The following CYRIA variants were observed in gnomAD, a reference collection of about 807,000 sequenced individuals.
CYRIA encodes the protein CYFIP-related Rac1 interactor A.
CYRIA carries 15 observed loss-of-function variants against 43.9 expected under a neutral mutation model. The ratio of observed to expected loss-of-function variants is 0.34; its 90% CI spans 0.23 to 0.53. CYRIA has a LOEUF of 0.53. Among genes scored for constraint, CYRIA ranks in the 20% least tolerant of loss-of-function variants. The probability of loss-of-function intolerance (pLI) is 0.94; values close to 1 mark genes in which losing one functional copy is unlikely to be tolerated. For synonymous variants in CYRIA, 117 were observed against 136.0 expected (o/e 0.86, Z 0.97); for missense variants, 236 against 394.2 (o/e 0.60, Z 3.40).
chr2:16,580,962 AG>A (rs1439784877), intron 3 of CYRIA, among the ~76,000 whole-genome samples: 5 of 152,360 alleles, frequency 3.3e-5, no homozygotes, highest in Admixed American at 2.0e-4. Context: ...GTTGAAGATC[AG>A]TCACTGATCT....
intron 1 of CYRIA, among the ~76,000 whole-genome samples, chr2:16,647,161 T>C (rs1669844745): frequency 6.6e-6 from 1 of 152,238 alleles, no homozygotes; most frequent in Non-Finnish European, 1.5e-5. Flanking sequence ...ATGTGTTAAT[T>C]TGCTCAAGCA....
intron 1 of CYRIA, among the ~76,000 whole-genome samples, chr2:16,663,850 C>T (rs531440614): frequency 6.6e-6 from 1 of 152,140 alleles, no homozygotes; most frequent in South Asian, 2.1e-4. Context: ...TGGGTTTAGG[C>T]AGCTGGACTA....
chr2:16,590,288 T>C (rs1025114812), intron 2 of CYRIA, among the ~76,000 whole-genome samples: 1 of 152,150 alleles, frequency 6.6e-6, no homozygotes, highest in African/African-American at 2.4e-5. Context: ...CAGCATTCAC[T>C]ATTCACTAAC....
At chr2:16,559,129 C>G (rs144418314) in intron 10 of CYRIA, among the ~76,000 whole-genome samples, 149 of 152,258 alleles carry the variant, frequency 9.8e-4, no homozygotes, top group Admixed American at 6.8e-3. Flanking sequence ...CAATAGGACA[C>G]ACATAGAATA....
At chr2:16,628,180 A>C (rs1194068490) in intron 1 of CYRIA, among the ~76,000 whole-genome samples, 1 of 147,992 alleles carries the variant, frequency 6.8e-6, no homozygotes, top group Non-Finnish European at 1.5e-5. Context: ...AACAACAGCC[A>C]CCATTTGTTG....
At chr2:16,565,175 CTTT>C (rs367672971) in intron 4 of CYRIA, among the ~76,000 whole-genome samples, 6 of 139,646 alleles carry the variant, frequency 4.3e-5, no homozygotes, top group Admixed American at 7.1e-5. Context: ...GATTCATGCT[CTTT>C]TTTTTTTTTT....
Position 16,610,921 on chromosome 2 carries a change from T to TAC in CYRIA, c.-11+12942_-11+12943insGT, listed in dbSNP as rs1386971176. Among the ~76,000 whole-genome samples the TAC allele has an allele frequency of 5.9e-3, 380 of 64,788 alleles. 7 individuals are homozygous for TAC. The highest frequency in any genetic ancestry group is 0.014 in the Admixed American group (84 of 6,120). 42.5% of individuals were successfully genotyped at this position (64,788 alleles called of 152,430 possible). ...ACATATATATATATATATATATATA[T>TAC]ATATATATATATATATCCTGTATAT... On this transcript the variant is annotated intron_variant, in intron 2 of 11. Transcript: ENST00000381323.
At chr2:16,604,767 G>C (rs73918606) in intron 2 of CYRIA, among the ~76,000 whole-genome samples, 29,392 of 152,054 alleles carry the variant, frequency 0.19, 3,534 homozygotes, top group African/African-American at 0.34. Flanking sequence ...TTTAGATGGC[G>C]GGGCTGGGCT....
Position 16,561,206 on chromosome 2 carries a change from T to G in CYRIA, c.585A>C (p.Pro195=). The change falls in exon 8 of 12, where the codon CCA becomes CCC. Residue 195 remains proline, a synonymous_variant. Transcript: ENST00000381323. ...TGGCATTGCTAAGGGTTTTCAGCAT[T>G]GGCGTGGCTTCTGCATAGAAGAGGG... The part of the protein sequence containing the change: ...RMSLFYAEAT[P]MLKTLSNATM... 1 of 1,613,876 alleles carries G rather than the reference T, an allele frequency of 6.2e-7. No individual in the cohort carries two copies. Among genetic ancestry groups the G allele is most frequent in the African/African-American group, 1.3e-5 (1 of 75,032 alleles).
intron 2 of CYRIA, among the ~76,000 whole-genome samples, chr2:16,606,012 C>G (rs2103483378): frequency 6.6e-6 from 1 of 152,242 alleles, no homozygotes; most frequent in Non-Finnish European, 1.5e-5. Context: ...TCAGCCTTTT[C>G]TCATTCTCCC....
intron 11 of CYRIA, among the ~76,000 whole-genome samples, chr2:16,553,627 A>G (rs184681275): frequency 1.4e-4 from 22 of 152,298 alleles, no homozygotes; most frequent in Middle Eastern, 3.4e-3. Flanking sequence ...CCTTCATTTT[A>G]TAGAAAAGAA....
intron 1 of CYRIA, among the ~76,000 whole-genome samples, chr2:16,662,320 C>T (rs1471572424): frequency 6.6e-6 from 1 of 152,180 alleles, no homozygotes. Flanking sequence ...AACTAAATAA[C>T]AGCAAGTCTA....
chr2:16,653,325 T>G (rs1000773327), intron 1 of CYRIA, among the ~76,000 whole-genome samples: 6 of 152,378 alleles, frequency 3.9e-5, no homozygotes, highest in African/African-American at 1.4e-4. Flanking sequence ...CACTCTGGTT[T>G]GGCCCTCGCT....
At chr2:16,653,119 C>A (rs1670017422) in intron 1 of CYRIA, among the ~76,000 whole-genome samples, 1 of 152,198 alleles carries the variant, frequency 6.6e-6, no homozygotes, top group Non-Finnish European at 1.5e-5. Flanking sequence ...CTGCATGGTG[C>A]ACAGGCCAGC....
chr2:16,636,980 A>G (rs1273827208), intron 1 of CYRIA, among the ~76,000 whole-genome samples: 1 of 152,032 alleles, frequency 6.6e-6, no homozygotes, highest in Non-Finnish European at 1.5e-5. Context: ...CATTTCAAAC[A>G]ACAAAAAATA....
At chr2:16,576,262 G>A (rs2103437566) in intron 3 of CYRIA, among the ~76,000 whole-genome samples, 1 of 152,258 alleles carries the variant, frequency 6.6e-6, no homozygotes, top group African/African-American at 2.4e-5. Context: ...CACAGTGACA[G>A]GTGATGCGGA....
rs150690152 is a variant in CYRIA at position 16,614,382 on chromosome 2, G to T, written c.-11+9482C>A. Reference sequence around the variant, plus strand: ...CCACAATTAAACCAAACAAACAAACGCACAAAGTTTATCTCTGAATTTCTG... The same window carrying T: ...CCACAATTAAACCAAACAAACAAACTCACAAAGTTTATCTCTGAATTTCTG... On this transcript the variant is annotated intron_variant, in intron 2 of 11. Transcript: ENST00000381323. Among the ~76,000 whole-genome samples, 47 of 152,246 alleles carry T rather than the reference G, an allele frequency of 3.1e-4. 1 individual carries two copies. The East Asian group carries it at 8.7e-3, about 28-fold the overall frequency.
At chr2:16,660,355 C>T (rs1670215867) in intron 1 of CYRIA, among the ~76,000 whole-genome samples, 2 of 152,176 alleles carry the variant, frequency 1.3e-5, no homozygotes, top group South Asian at 4.1e-4. Context: ...GTTTCGTGCT[C>T]CCTCTCTATG....
chr2:16,616,292 C>T (rs890017145), intron 2 of CYRIA, among the ~76,000 whole-genome samples: 13 of 152,338 alleles, frequency 8.5e-5, no homozygotes, highest in African/African-American at 3.1e-4. Flanking sequence ...TCAAGTAGAA[C>T]TTACTGCTCA....
Sources: allele counts gnomAD v4.1 joint callset (sites outside exome capture counted in the v4.1 genomes callset), GRCh38; gene constraint gnomAD v4.1.1; transcripts MANE v1.5; gene names NCBI Gene and HGNC (gene_info 2026-07-23, HGNC 2026-07-21).